GUCY1A2: variants seen among roughly 807,000 people sequenced by gnomAD.
GUCY1A2 encodes guanylate cyclase 1 soluble subunit alpha 2, also known as guanylate cyclase soluble subunit alpha-2.
GUCY1A2 carries 27 observed loss-of-function variants against 63.5 expected under a neutral mutation model. The ratio of observed to expected loss-of-function variants is 0.43; its 90% confidence interval spans 0.31 to 0.59. The LOEUF (loss-of-function observed/expected upper bound fraction) is 0.59, where lower values mean the gene tolerates loss of function less well. GUCY1A2 is among the 20% of genes least tolerant of loss of function. The pLI, the probability that GUCY1A2 is intolerant of heterozygous loss-of-function variation, is 0.11. For missense variants in GUCY1A2, 768 were observed against 913.3 expected, an observed-to-expected ratio of 0.84 and a Z score of 2.05; for synonymous variants, 364 against 343.5, an observed-to-expected ratio of 1.06 and a Z score of -0.66.
At chr11:106,823,911 T>C in intron 4 of GUCY1A2, 1 of 370,858 alleles carries the variant, frequency 2.7e-6, no homozygotes, top group East Asian at 4.7e-5. Context: ...TTTTTTTTTC[T>C]TTAAAGGCTT....
chr11:106,841,866 A>ACC (rs1320556408), intron 4 of GUCY1A2, among the ~76,000 whole-genome samples: 1 of 151,726 alleles, frequency 6.6e-6, no homozygotes, highest in African/African-American at 2.4e-5. Flanking sequence ...TTACTTTACT[A>ACC]CCTTTTTTTT....
intron 5 of GUCY1A2, among the ~76,000 whole-genome samples, chr11:106,786,964 A>G (rs1864566308): frequency 6.6e-6 from 1 of 152,172 alleles, no homozygotes; most frequent in Non-Finnish European, 1.5e-5. Context: ...AGAATGGCAA[A>G]TGTCTGCTAT....
chr11:106,952,206 G>T (rs1216801526), intron 3 of GUCY1A2, among the ~76,000 whole-genome samples: 3 of 152,142 alleles, frequency 2.0e-5, no homozygotes, highest in Non-Finnish European at 4.4e-5. Context: ...GCTTAGGATT[G>T]TCTTGACTAT....
intron 6 of GUCY1A2, among the ~76,000 whole-genome samples, chr11:106,753,645 G>T (rs11211894): frequency 0.047 from 7,126 of 152,158 alleles, 243 homozygotes; most frequent in African/African-American, 0.092. Flanking sequence ...TGTCAGGTTT[G>T]TCAAAGATCA....
intron 1 of GUCY1A2, among the ~76,000 whole-genome samples, chr11:107,012,638 C>G (rs996614488): frequency 4.6e-5 from 7 of 152,160 alleles, no homozygotes; most frequent in Non-Finnish European, 8.8e-5. Flanking sequence ...GCTTTCAACT[C>G]TGTCATGTTG....
rs1862341243 is a variant in GUCY1A2, at chr11:106,676,084, A to G, written c.*11465T>C. ...CTATTAACACAAACTTATGTCATGA[A>G]GATAATTAAGTGGTTTGAATATAAT... On this transcript the variant is annotated 3_prime_UTR_variant, in exon 8 of 8. Coordinates refer to ENST00000526355, the MANE Select transcript of GUCY1A2 (RefSeq NM_000855.3). The G allele has an allele frequency of 5.5e-6, 1 of 182,878 alleles. No homozygotes were observed. The highest frequency in any genetic ancestry group is 2.0e-4 in the South Asian group (1 of 5,090). 11.3% of individuals were successfully genotyped at this position (182,878 alleles called of 1,614,324 possible).
At chr11:106,841,715 A>G (rs1004293538) in intron 4 of GUCY1A2, among the ~76,000 whole-genome samples, 1 of 151,926 alleles carries the variant, frequency 6.6e-6, no homozygotes, top group East Asian at 1.9e-4. Flanking sequence ...GAAAGTATAA[A>G]GTCTCTTCAA....
chr11:106,914,457 A>T (rs1860341592), intron 4 of GUCY1A2, among the ~76,000 whole-genome samples: 1 of 152,164 alleles, frequency 6.6e-6, no homozygotes, highest in African/African-American at 2.4e-5. Flanking sequence ...AACATGTTGT[A>T]AACAGGCTTC....
chr11:106,980,839 G>A (rs943202198), intron 2 of GUCY1A2, among the ~76,000 whole-genome samples: 9 of 149,566 alleles, frequency 6.0e-5, no homozygotes, highest in African/African-American at 2.2e-4. Flanking sequence ...AGTCACTCAA[G>A]AGGTGGAACA....
At chr11:106,956,549 T>C (rs568563921) in intron 3 of GUCY1A2, among the ~76,000 whole-genome samples, 1 of 152,242 alleles carries the variant, frequency 6.6e-6, no homozygotes, top group East Asian at 1.9e-4. Context: ...TCTGTAGGAC[T>C]GCTGCAGTTT....
chr11:106,820,502 G>C (rs563753016), intron 4 of GUCY1A2, among the ~76,000 whole-genome samples: 1 of 152,278 alleles, frequency 6.6e-6, no homozygotes, highest in South Asian at 2.1e-4. Context: ...AGGTTCAAAT[G>C]ATTTTCCTGC....
intron 1 of GUCY1A2, among the ~76,000 whole-genome samples, chr11:107,003,233 C>A (rs769276743): frequency 6.6e-6 from 1 of 152,128 alleles, no homozygotes. Flanking sequence ...GTCTTTATCT[C>A]AGTTGCAGGA....
At chr11:106,701,015 G>T (rs1862808660) in intron 7 of GUCY1A2, among the ~76,000 whole-genome samples, 1 of 151,968 alleles carries the variant, frequency 6.6e-6, no homozygotes, top group Non-Finnish European at 1.5e-5. Context: ...TATATCGAAG[G>T]TATAGTTTAA....
chr11:106,790,104 C>A (rs767384759), intron 5 of GUCY1A2, among the ~76,000 whole-genome samples: 10 of 152,114 alleles, frequency 6.6e-5, no homozygotes, highest in Non-Finnish European at 1.5e-4. Flanking sequence ...GTGAGTTACC[C>A]CAAGGCCCAG....
chr11:106,909,647 A>G (rs1860265348), intron 4 of GUCY1A2, among the ~76,000 whole-genome samples: 1 of 151,946 alleles, frequency 6.6e-6, no homozygotes, highest in Admixed American at 6.6e-5. Flanking sequence ...ACTCAGCACA[A>G]TTCTCTACAG....
chr11:106,834,757 C>T (rs1411469434), intron 4 of GUCY1A2, among the ~76,000 whole-genome samples: 7 of 152,068 alleles, frequency 4.6e-5, no homozygotes, highest in South Asian at 4.1e-4. Flanking sequence ...GAGCTGAAAG[C>T]GCATACTTAA....
chr11:106,901,875 C>T (rs542080792), intron 4 of GUCY1A2, among the ~76,000 whole-genome samples: 2 of 152,274 alleles, frequency 1.3e-5, no homozygotes, highest in South Asian at 4.1e-4. Context: ...TTTTCTTAAT[C>T]CAGTCTATCA....
intron 1 of GUCY1A2, among the ~76,000 whole-genome samples, chr11:106,995,858 T>C (rs1433001943): frequency 6.6e-6 from 1 of 152,214 alleles, no homozygotes; most frequent in African/African-American, 2.4e-5. Context: ...TGGATAGGAA[T>C]GGATCTCATG....
In GUCY1A2 at chr11:106,833,951, A is replaced by T. The variant is rs190346160; in HGVS notation, c.1207-23473T>A. 2.3e-4 allele frequency among the ~76,000 whole-genome samples: 35 copies of T among 152,160 alleles called. No homozygotes were observed. The East Asian group carries it at 6.4e-3, about 28-fold the overall frequency. On this transcript the variant is annotated intron_variant, in intron 4 of 7. Transcript: ENST00000526355. ...CTTATTAAGGTACAATTGATAAATTAAAAATTTTATATATTCAATGTGTAC... is the reference window on the plus strand; with the variant it reads ...CTTATTAAGGTACAATTGATAAATTTAAAATTTTATATATTCAATGTGTAC...
Sources: allele counts gnomAD v4.1 joint callset (sites outside exome capture counted in the v4.1 genomes callset), GRCh38; gene constraint gnomAD v4.1.1; transcripts MANE v1.5; gene names NCBI Gene and HGNC (gene_info 2026-07-23, HGNC 2026-07-21).